SLC2A4: variants seen among roughly 807,000 people sequenced by gnomAD.
SLC2A4 encodes the protein solute carrier family 2 member 4.
In SLC2A4, 31 loss-of-function variants were observed where a neutral mutation model predicts 53.3. The observed-to-expected ratio is 0.58, with a 90% CI of 0.44 to 0.78. The LOEUF is 0.78. SLC2A4 is among the 30% of genes least tolerant of loss of function. The pLI, the probability that SLC2A4 is intolerant of heterozygous loss-of-function variation, is 0.00. For synonymous variants in SLC2A4, 276 were observed against 281.9 expected, an observed-to-expected ratio of 0.98 and a Z score of 0.21; for missense variants, 538 against 655.7, an observed-to-expected ratio of 0.82 and a Z score of 1.96.
rs897374247 is a variant in SLC2A4 at position 7,285,531 on chromosome 17, G to T, written c.1123-174G>T. On this transcript the variant is annotated intron_variant, in intron 9 of 10. Transcript: ENST00000317370. This position sits in a 1 kb window ranked among gnomAD's most constrained non-coding sequence, Gnocchi z 6.0. ...GAGGCCATAACATTTCCTCTGCCTT[G>T]AACCCACTTGGGATAGCCAGCAGAA... 3.9e-5 allele frequency among the ~76,000 whole-genome samples: 6 copies of T among 152,202 alleles called. No individual in the cohort carries two copies. The highest frequency in any genetic ancestry group is 1.4e-4 in the African/African-American group (6 of 41,460).
chr17:7,281,924 T>C lies in SLC2A4; in HGVS notation c.-11T>C, dbSNP rs1366501089. On this transcript the variant is annotated 5_prime_UTR_variant, in exon 1 of 11. Transcript: ENST00000317370. ...TCGCCGCCCCTGCGCGTCCAGCTCT[T>C]CTAAGACGAGATGCCGTCGGGCTTC... The C allele has an allele frequency of 2.5e-6, 4 of 1,581,040 alleles. No individual in the cohort carries two copies. In the Admixed American group the frequency reaches 5.2e-5, roughly 20 times the overall value.
In SLC2A4 at chr17:7,283,702, C is replaced by T. The variant is rs767625919; in HGVS notation, c.324-36C>T. ...CAGGAAGGGAGCCACTGCTGGGTGC[C>T]CTCACCCTCACAGCCTCACTCTGTC... On this transcript the variant is annotated intron_variant, in intron 3 of 10. Coordinates refer to ENST00000317370, the MANE Select transcript of SLC2A4 (RefSeq NM_001042.3). This position sits in a 1 kb window ranked among gnomAD's most constrained non-coding sequence, Gnocchi z 5.8. 3.1e-6 allele frequency: 5 copies of T among 1,613,906 alleles called. No homozygotes were observed. The South Asian group carries it at 3.3e-5, about 11-fold the overall frequency.
chr17:7,286,364 C>G (rs2072449401), intron 10 of SLC2A4, 62 bp from the exon 11 acceptor site: 1 of 1,496,420 alleles, frequency 6.7e-7, no homozygotes, highest in Non-Finnish European at 9.3e-7. Flanking sequence ...TCCTGGTTGC[C>G]TGAAACTACC....
At chr17:7,281,994 C>CGGGGGGGGGGG in intron 1 of SLC2A4, 27 bp downstream of exon 1, 1 of 223,018 alleles carries the variant, frequency 4.5e-6, no homozygotes, top group Non-Finnish European at 8.9e-6. Flanking sequence ...GGGGGCGGGG[C>CGGGGGGGGGGG]GGGGGGGCAC....
Position 7,283,237 on chromosome 17 carries a change from C to G in SLC2A4, c.34-8C>G. On this transcript the variant is annotated splice_region_variant and splice_polypyrimidine_tract_variant and intron_variant, in intron 1 of 10. Coordinates refer to ENST00000317370, the MANE Select transcript of SLC2A4 (RefSeq NM_001042.3). The surrounding 1 kb of genome is among the most constrained non-coding windows in gnomAD (Gnocchi z 5.8). ...TGACATGCTGTGTCTTTGTGTCTGC[C>G]TGTTCAGGATGGGGAACCCCCTCAG... is the stretch of plus-strand genomic sequence containing the variant. 1 of 1,607,818 alleles carries G rather than the reference C, an allele frequency of 6.2e-7. No homozygotes were observed. Among genetic ancestry groups the G allele is most frequent in the South Asian group, 1.1e-5 (1 of 90,970 alleles).
Position 7,283,385 on chromosome 17 carries a change from T to TG in SLC2A4, c.150+29dup, listed in dbSNP as rs751969732. 6.8e-6 allele frequency: 11 copies of TG among 1,609,632 alleles called. No homozygotes were observed. The highest frequency in any genetic ancestry group is 1.7e-5 in the Admixed American group (1 of 59,734). On this transcript the variant is annotated intron_variant, in intron 2 of 10. Coordinates refer to ENST00000317370, the MANE Select transcript of SLC2A4 (RefSeq NM_001042.3). The surrounding 1 kb of genome is among the most constrained non-coding windows in gnomAD (Gnocchi z 5.8). ...AGGTGAGGGCCTGCAGCTGGCAGGG[T>TG]GGGGGTACCCAAACGAGGAGGACAG...
chr17:7,286,307 G>C, intron 10 of SLC2A4, 119 bp from the exon 11 acceptor site: 1 of 816,942 alleles, frequency 1.2e-6, no homozygotes, highest in South Asian at 1.3e-5. Context: ...CCTGGAGGAG[G>C]CAGCTGCTGT....
chr17:7,284,281 T>C lies in SLC2A4; in HGVS notation c.629T>C (p.Val210Ala). 1 of 1,614,026 alleles carries C rather than the reference T, an allele frequency of 6.2e-7. No homozygotes were observed. The highest frequency in any genetic ancestry group is 8.5e-7 in the Non-Finnish European group (1 of 1,180,010). Reference protein sequence around the residue: ...SLWPLLLGLTVLPALLQLVLL... With the variant: ...SLWPLLLGLTALPALLQLVLL... Reference sequence around the variant, plus strand: ...TGGCCACTGCTCCTGGGCCTCACAGTGCTACCTGCCCTCCTGCAGCTGGTC... The same window carrying C: ...TGGCCACTGCTCCTGGGCCTCACAGCGCTACCTGCCCTCCTGCAGCTGGTC... Residue 210 changes from valine (V) to alanine (A), a missense_variant, in exon 6 of 11, where the codon GTG becomes GCG. Physicochemically the swap from Val to Ala is moderately conservative, Grantham distance 64 (BLOSUM62 0). Coordinates refer to ENST00000317370, the MANE Select transcript of SLC2A4 (RefSeq NM_001042.3). The surrounding 1 kb of genome is among the most constrained non-coding windows in gnomAD (Gnocchi z 7.5).
Position 7,285,992 on chromosome 17 carries a change from C to A in SLC2A4, c.1326+84C>A. 7.8e-7 allele frequency: 1 copy of A among 1,278,538 alleles called. No homozygotes were observed. Among genetic ancestry groups the A allele is most frequent in the Non-Finnish European group, 1.1e-6 (1 of 909,840 alleles). 79.2% of individuals were successfully genotyped at this position (1,278,538 alleles called of 1,614,324 possible). On this transcript the variant is annotated intron_variant, in intron 10 of 10. Coordinates refer to ENST00000317370, the MANE Select transcript of SLC2A4 (RefSeq NM_001042.3). The surrounding 1 kb of genome is among the most constrained non-coding windows in gnomAD (Gnocchi z 6.0). The stretch of plus-strand genomic sequence containing the variant: ...AGCCCACCTGCTTCCCCGTCAGGGA[C>A]TCCTCCAGCCACAGACCATGGGTCT...
Position 7,281,784 on chromosome 17 carries a change from G to C in SLC2A4, c.-151G>C. ...CCACTGCTCTCCGGGTCCTTGGCTT[G>C]TGGCTGTGGGTCCCATCGGGCCCGC... On this transcript the variant is annotated 5_prime_UTR_variant, in exon 1 of 11. Coordinates refer to ENST00000317370, the MANE Select transcript of SLC2A4 (RefSeq NM_001042.3). The C allele has an allele frequency of 1.3e-6, 1 of 775,148 alleles. No individual in the cohort carries two copies. 48.0% of individuals were successfully genotyped at this position (775,148 alleles called of 1,614,324 possible). A position where few individuals can be genotyped will look rare whatever the true frequency, so the allele number is the denominator to read the frequency against.
chr17:7,283,255 C>A lies in SLC2A4; in HGVS notation c.44C>A (p.Pro15His), dbSNP rs757179263. The change falls in exon 2 of 11, where the codon CCC (proline) becomes CAC (histidine). Residue 15 changes from proline to histidine, a missense_variant. Coordinates refer to ENST00000317370, the MANE Select transcript of SLC2A4 (RefSeq NM_001042.3). This position sits in a 1 kb window ranked among gnomAD's most constrained non-coding sequence, Gnocchi z 5.8. Reference sequence around the variant, plus strand: ...TGTCTGCCTGTTCAGGATGGGGAACCCCCTCAGCAGCGAGTGACTGGGACC... The same window carrying A: ...TGTCTGCCTGTTCAGGATGGGGAACACCCTCAGCAGCGAGTGACTGGGACC... ...FQQIGSEDGE[P>H]PQQRVTGTLV... 6.2e-7 allele frequency: 1 copy of A among 1,613,808 alleles called. No individual in the cohort carries two copies. The highest frequency in any genetic ancestry group is 1.1e-5 in the South Asian group (1 of 91,072).
In SLC2A4 at chr17:7,282,143, C is replaced by T; in HGVS notation, c.33+176C>T. ...CCGTGACTGTGAGATTCCAATCCTA[C>T]CAAAAGGCAGAGTGGGTCTGGAGGG... On this transcript the variant is annotated intron_variant, in intron 1 of 10. Coordinates refer to ENST00000317370, the MANE Select transcript of SLC2A4 (RefSeq NM_001042.3). This position sits in a 1 kb window ranked among gnomAD's most constrained non-coding sequence, Gnocchi z 4.1. 1 of 662,672 alleles carries T rather than the reference C, an allele frequency of 1.5e-6. No homozygotes were observed. The highest frequency in any genetic ancestry group is 2.7e-6 in the Non-Finnish European group (1 of 367,620). The allele number at this position is 662,672 out of a possible 1,614,324, so 41.0% of individuals were successfully genotyped here. A position where few individuals can be genotyped will look rare whatever the true frequency, so the allele number is the denominator to read the frequency against.
chr17:7,286,362 G>A lies in SLC2A4; in HGVS notation c.1327-64G>A, dbSNP rs1052483147. 151 of 1,417,172 alleles carry A rather than the reference G, an allele frequency of 1.1e-4. No homozygotes were observed. The Middle Eastern group carries it at 1.3e-3, about 12-fold the overall frequency. 87.8% of individuals were successfully genotyped at this position (1,417,172 alleles called of 1,614,324 possible). On this transcript the variant is annotated intron_variant, in intron 10 of 10. Coordinates refer to ENST00000317370, the MANE Select transcript of SLC2A4 (RefSeq NM_001042.3). The stretch of plus-strand genomic sequence containing the variant: ...CTATGAAGGCCTTTAGCTCCTGGTT[G>A]CCTGAAACTACCCCTTCCCTCCCCA...
In SLC2A4 at chr17:7,284,628, G is replaced by A. The variant is rs572694481; in HGVS notation, c.871G>A (p.Ala291Thr). The change falls in exon 7 of 11, where the codon GCG becomes ACG. Residue 291 changes from alanine to threonine, a missense_variant. Physicochemically the swap from Ala to Thr is moderately conservative, Grantham distance 58 (BLOSUM62 0). Transcript: ENST00000317370. This position sits in a 1 kb window ranked among gnomAD's most constrained non-coding sequence, Gnocchi z 7.5. ...SRTHRQPLII[A>T]VVLQLSQQLS... is the part of the protein sequence containing the mutation. ...TACCCACCGGCAGCCCCTGATCATT[G>A]CGGTCGTGCTGCAGCTGAGCCAGCA... The A allele has an allele frequency of 6.2e-7, 1 of 1,614,154 alleles. No homozygotes were observed. The highest frequency in any genetic ancestry group is 1.3e-5 in the African/African-American group (1 of 75,058).
In SLC2A4 at chr17:7,283,887, C is replaced by T; in HGVS notation, c.448+25C>T. The T allele has an allele frequency of 1.9e-6, 3 of 1,614,144 alleles. No homozygotes were observed. The highest frequency in any genetic ancestry group is 1.1e-5 in the South Asian group (1 of 91,076). ...GGTACTCACGGGCACCACAGCCCTG[C>T]CTAGCGCCCTGTTCTCTTTCACCAT... On this transcript the variant is annotated intron_variant, in intron 4 of 10. Transcript: ENST00000317370. The surrounding 1 kb of genome is among the most constrained non-coding windows in gnomAD (Gnocchi z 5.8).
Position 7,283,871 on chromosome 17 carries a change from G to A in SLC2A4, c.448+9G>A, listed in dbSNP as rs374741586. 11 of 1,614,104 alleles carry A rather than the reference G, an allele frequency of 6.8e-6. No individual in the cohort carries two copies. Among genetic ancestry groups the A allele is most frequent in the East Asian group, 4.5e-5 (2 of 44,882 alleles). On this transcript the variant is annotated intron_variant, in intron 4 of 10. Coordinates refer to ENST00000317370, the MANE Select transcript of SLC2A4 (RefSeq NM_001042.3). This position sits in a 1 kb window ranked among gnomAD's most constrained non-coding sequence, Gnocchi z 5.8. ...CATTGGCGCCTACTCAGGTACTCAC[G>A]GGCACCACAGCCCTGCCTAGCGCCC...
In SLC2A4 at chr17:7,284,594, G is replaced by A; in HGVS notation, c.837G>A (p.Leu279=). ...RERPLSLLQL[L]GSRTHRQPLI... The stretch of plus-strand genomic sequence containing the variant: ...GGCCACTGTCCCTGCTCCAGCTCCT[G>A]GGCAGCCGTACCCACCGGCAGCCCC... The change falls in exon 7 of 11, where the codon CTG becomes CTA. Residue 279 remains leucine (L), a synonymous_variant. Coordinates refer to ENST00000317370, the MANE Select transcript of SLC2A4 (RefSeq NM_001042.3). This position sits in a 1 kb window ranked among gnomAD's most constrained non-coding sequence, Gnocchi z 7.5. The A allele has an allele frequency of 1.9e-6, 3 of 1,614,168 alleles. No individual in the cohort carries two copies. In the South Asian group the frequency reaches 3.3e-5, roughly 18 times the overall value.
chr17:7,285,618 G>A lies in SLC2A4; in HGVS notation c.1123-87G>A. The A allele has an allele frequency of 1.5e-6, 2 of 1,309,940 alleles. No homozygotes were observed. The highest frequency in any genetic ancestry group is 1.1e-6 in the Non-Finnish European group (1 of 910,678). 81.1% of individuals were successfully genotyped at this position (1,309,940 alleles called of 1,614,324 possible). A position where few individuals can be genotyped will look rare whatever the true frequency, so the allele number is the denominator to read the frequency against. On this transcript the variant is annotated intron_variant, in intron 9 of 10. Transcript: ENST00000317370. This position sits in a 1 kb window ranked among gnomAD's most constrained non-coding sequence, Gnocchi z 6.0. ...GCCCCCTACAAGCTGCTGCGGAGGGGGTTAGGTTTCACTTCTCTGAGTTGA... is the reference window on the plus strand; with the variant it reads ...GCCCCCTACAAGCTGCTGCGGAGGGAGTTAGGTTTCACTTCTCTGAGTTGA...
chr17:7,282,034 G>A lies in SLC2A4; in HGVS notation c.33+67G>A. On this transcript the variant is annotated intron_variant, in intron 1 of 10. Coordinates refer to ENST00000317370, the MANE Select transcript of SLC2A4 (RefSeq NM_001042.3). This position sits in a 1 kb window ranked among gnomAD's most constrained non-coding sequence, Gnocchi z 4.1. ...CCCGCTTTTCTTGGGCTGGGGTCGC[G>A]GTTGGGGTCAGCTGGGGGTGGTTCC... 3 of 1,401,382 alleles carry A rather than the reference G, an allele frequency of 2.1e-6. No individual in the cohort carries two copies. Among genetic ancestry groups the A allele is most frequent in the African/African-American group, 2.8e-5 (2 of 71,102 alleles). 86.8% of individuals were successfully genotyped at this position (1,401,382 alleles called of 1,614,324 possible). A position where few individuals can be genotyped will look rare whatever the true frequency, so the allele number is the denominator to read the frequency against.
Sources: allele counts gnomAD v4.1 joint callset (sites outside exome capture counted in the v4.1 genomes callset), GRCh38; gene constraint gnomAD v4.1.1; non-coding constraint Gnocchi (gnomAD v3.1); transcripts MANE v1.5; gene names NCBI Gene and HGNC (gene_info 2026-07-23, HGNC 2026-07-21).